The following KCNQ1 variants were observed in gnomAD, a reference collection of about 807,000 sequenced individuals.
The protein encoded by KCNQ1 is potassium voltage-gated channel subfamily KQT member 1.
Under a neutral mutation model 72.4 loss-of-function variants are expected in KCNQ1, and 49 were observed. The ratio of observed to expected loss-of-function variants is 0.68; its 90% CI spans 0.54 to 0.86. The LOEUF is 0.86. Among genes scored for constraint, KCNQ1 ranks in the 40% least tolerant of loss-of-function variants. The pLI is 0.00. For missense variants in KCNQ1, 790 were observed against 945.1 expected (o/e 0.84, Z 2.15); for synonymous variants, 450 against 412.6 (o/e 1.09, Z -1.10).
chr11:2,778,083 G>C lies in KCNQ1; in HGVS notation c.1794+46G>C, dbSNP rs1332964439. 3 of 1,571,366 alleles carry C rather than the reference G, an allele frequency of 1.9e-6. No individual in the cohort carries two copies. In the South Asian group the frequency reaches 3.3e-5, roughly 17 times the overall value. ...GCGGTGGTTCTGGTTAGCGTCCTGG[G>C]GCCAGCAGGCACCTCCCTGTGGTCT... On this transcript the variant is annotated intron_variant, in intron 15 of 15. Coordinates refer to ENST00000155840, the MANE Select transcript of KCNQ1 (RefSeq NM_000218.3).
At chr11:2,739,014 T>C (rs1174476191) in intron 11 of KCNQ1, among the ~76,000 whole-genome samples, 1 of 152,172 alleles carries the variant, frequency 6.6e-6, no homozygotes, top group Non-Finnish European at 1.5e-5. Context: ...AGAGGATGGC[T>C]CGAGCCCTGC....
In KCNQ1 at chr11:2,549,562, G is replaced by A. The variant is rs1847948432; in HGVS notation, c.478-21066G>A. Among the ~76,000 whole-genome samples the A allele has an allele frequency of 6.6e-6, 1 of 151,984 alleles. No homozygotes were observed. Among genetic ancestry groups the A allele is most frequent in the South Asian group, 2.1e-4 (1 of 4,818 alleles). ...TCCCGGCGTGGGCAGGTCCTGTTGT[G>A]GAGCCTCGTGACCTGCTCATAGCAC... On this transcript the variant is annotated intron_variant, in intron 2 of 15. Transcript: ENST00000155840. This position sits in a 1 kb window ranked among gnomAD's most constrained non-coding sequence, Gnocchi z 6.2.
At chr11:2,557,091 A>G (rs994274051) in intron 2 of KCNQ1, among the ~76,000 whole-genome samples, 1 of 152,258 alleles carries the variant, frequency 6.6e-6, no homozygotes, top group African/African-American at 2.4e-5. Flanking sequence ...AGGCAAAGCA[A>G]TAATGGGTGG....
Position 2,778,031 on chromosome 11 carries a change from A to G in KCNQ1, c.1788A>G (p.Glu596=), listed in dbSNP as rs772287321. 1 of 1,613,652 alleles carries G rather than the reference A, an allele frequency of 6.2e-7. No individual in the cohort carries two copies. Among genetic ancestry groups the G allele is most frequent in the Admixed American group, 1.7e-5 (1 of 60,012 alleles). Residue 596 remains glutamate (E), a synonymous_variant, in exon 15 of 16, where the codon GAA becomes GAG. Coordinates refer to ENST00000155840, the MANE Select transcript of KCNQ1 (RefSeq NM_000218.3). ...NTIGARLNRV[E]DKVTQLDQRL... The stretch of plus-strand genomic sequence containing the variant: ...TCGGCGCCCGCCTGAACCGAGTAGA[A>G]GACAAGGTAGGCTCACGCGCCGGCC...
rs939162687 is a variant in KCNQ1, at chr11:2,509,661, C to T, written c.387-18267C>T. 6.6e-6 allele frequency among the ~76,000 whole-genome samples: 1 copy of T among 152,192 alleles called. No homozygotes were observed. The highest frequency in any genetic ancestry group is 2.1e-4 in the South Asian group (1 of 4,836). On this transcript the variant is annotated intron_variant, in intron 1 of 15. Transcript: ENST00000155840. This position sits in a 1 kb window ranked among gnomAD's most constrained non-coding sequence, Gnocchi z 6.3. ...GTTTCACTCCCAGCACGTCACGCCA[C>T]GTCCCTTTCCTCTGCTTTGTTCCTC...
chr11:2,699,071 A>G (rs148835915), intron 11 of KCNQ1: 1 of 398,548 alleles, frequency 2.5e-6, no homozygotes, highest in Non-Finnish European at 4.4e-6. Flanking sequence ...CAAAACCACA[A>G]CATGGATTCC....
At chr11:2,456,400 A>T (rs920715022) in intron 1 of KCNQ1, among the ~76,000 whole-genome samples, 2 of 152,232 alleles carry the variant, frequency 1.3e-5, no homozygotes, top group African/African-American at 2.4e-5. Flanking sequence ...GCCTTGGCAA[A>T]TAATATATAG....
In KCNQ1 at chr11:2,692,141, C is replaced by G. The variant is rs959852726; in HGVS notation, c.1514+30060C>G. ...TTATAGCCCACTCTACTGAAGGCCC[C>G]TGTCCTTTCAGTGTCACCCATCCTT... On this transcript the variant is annotated intron_variant, in intron 11 of 15. Transcript: ENST00000155840. The G allele has an allele frequency of 1.0e-5, 4 of 398,608 alleles. No individual in the cohort carries two copies. In the Admixed American group the frequency reaches 1.8e-4, roughly 18 times the overall value. 24.7% of individuals were successfully genotyped at this position (398,608 alleles called of 1,614,324 possible).
chr11:2,839,306 C>T (rs1848153535), intron 15 of KCNQ1, among the ~76,000 whole-genome samples: 1 of 133,324 alleles, frequency 7.5e-6, no homozygotes, highest in Non-Finnish European at 1.5e-5. Flanking sequence ...GCCACGTGGG[C>T]CCCCCTGGCT....
intron 10 of KCNQ1, chr11:2,638,883 T>C (rs1469404566): frequency 1.3e-5 from 2 of 152,252 alleles, no homozygotes; most frequent in Non-Finnish European, 2.9e-5. Flanking sequence ...TTTCACATAG[T>C]CCCATATTTC....
intron 11 of KCNQ1, among the ~76,000 whole-genome samples, chr11:2,719,409 C>T (rs1387683916): frequency 6.6e-6 from 1 of 150,510 alleles, no homozygotes; most frequent in Non-Finnish European, 1.5e-5. Context: ...ATGGGAGGAT[C>T]GCCTGAGCCT....
In KCNQ1 at chr11:2,764,904, C is replaced by G. The variant is rs935812695; in HGVS notation, c.1515-3940C>G. ...CCCTCCCCCATCTGATCAGTCTTCC[C>G]AAAAGTGTGTCTGTTTTATTAGTCT... On this transcript the variant is annotated intron_variant, in intron 11 of 15. Transcript: ENST00000155840. The surrounding 1 kb of genome is among the most constrained non-coding windows in gnomAD (Gnocchi z 4.8). Among the ~76,000 whole-genome samples, 1 of 152,106 alleles carries G rather than the reference C, an allele frequency of 6.6e-6. No individual in the cohort carries two copies. Among genetic ancestry groups the G allele is most frequent in the Non-Finnish European group, 1.5e-5 (1 of 68,012 alleles).
intron 2 of KCNQ1, among the ~76,000 whole-genome samples, chr11:2,560,998 C>G (rs959391720): frequency 6.6e-6 from 1 of 151,702 alleles, no homozygotes; most frequent in Non-Finnish European, 1.5e-5. Flanking sequence ...GTCAGGAGAT[C>G]GAGACCATCC....
chr11:2,631,210 T>C (rs1849347282), intron 10 of KCNQ1: 1 of 398,554 alleles, frequency 2.5e-6, no homozygotes, highest in Non-Finnish European at 4.4e-6. Context: ...CTTCTATAAA[T>C]CCTGTGTGAA....
intron 11 of KCNQ1, among the ~76,000 whole-genome samples, chr11:2,765,736 T>C (rs1047748291): frequency 2.6e-5 from 4 of 152,256 alleles, no homozygotes; most frequent in African/African-American, 9.6e-5. Context: ...TCTTTAGTAA[T>C]ACTTAAAGTC....
intron 2 of KCNQ1, among the ~76,000 whole-genome samples, chr11:2,531,263 C>T (rs542276979): frequency 5.3e-5 from 8 of 149,938 alleles, no homozygotes; most frequent in South Asian, 2.1e-4. Flanking sequence ...ATTAGACGTG[C>T]CCTGGGCTCC....
intron 11 of KCNQ1, chr11:2,675,993 C>T: frequency 1.0e-5 from 4 of 398,672 alleles, no homozygotes; most frequent in Non-Finnish European, 1.8e-5. Context: ...CCCCACCCAA[C>T]CCTAATTCCC....
rs982986541 is a variant in KCNQ1 at position 2,828,962 on chromosome 11, G to T, written c.1795-18805G>T. Among the ~76,000 whole-genome samples, 1 of 152,186 alleles carries T rather than the reference G, an allele frequency of 6.6e-6. No individual in the cohort carries two copies. Among genetic ancestry groups the T allele is most frequent in the African/African-American group, 2.4e-5 (1 of 41,466 alleles). ...CAATTCAGAAAGCTAGCACATAGTA[G>T]AGAAATGCCTTCAAACATCTGAGGG... On this transcript the variant is annotated intron_variant, in intron 15 of 15. Coordinates refer to ENST00000155840, the MANE Select transcript of KCNQ1 (RefSeq NM_000218.3). This position sits in a 1 kb window ranked among gnomAD's most constrained non-coding sequence, Gnocchi z 5.3.
intron 10 of KCNQ1, chr11:2,610,428 C>T (rs1589980200): frequency 2.5e-6 from 1 of 398,298 alleles, no homozygotes; most frequent in East Asian, 3.6e-5. Context: ...TATTAACCTC[C>T]TTATATCATA....
Sources: allele counts gnomAD v4.1 joint callset (sites outside exome capture counted in the v4.1 genomes callset), GRCh38; gene constraint gnomAD v4.1.1; non-coding constraint Gnocchi (gnomAD v3.1); transcripts MANE v1.5; gene names NCBI Gene and HGNC (gene_info 2026-07-23, HGNC 2026-07-21).